SLC30A6: variants seen among roughly 807,000 people sequenced by gnomAD.
SLC30A6 encodes zinc transporter 6.
SLC30A6 carries 55 observed loss-of-function variants against 63.0 expected under a neutral mutation model. The observed-to-expected ratio is 0.87, with a 90% CI of 0.70 to 1.09. SLC30A6 has a LOEUF of 1.09. Among genes scored for constraint, SLC30A6 ranks in the 50% least tolerant of loss-of-function variants. The pLI is 0.00. For synonymous variants in SLC30A6, 224 were observed against 186.1 expected, an observed-to-expected ratio of 1.20 and a Z score of -1.66; for missense variants, 587 against 549.2, an observed-to-expected ratio of 1.07 and a Z score of -0.69.
At chr2:32,174,918 G>T (rs1681594732) in intron 3 of SLC30A6, among the ~76,000 whole-genome samples, 1 of 152,118 alleles carries the variant, frequency 6.6e-6, no homozygotes, top group Non-Finnish European at 1.5e-5. Context: ...AGATTTTGAG[G>T]TTTGTTGGCT....
intron 13 of SLC30A6, among the ~76,000 whole-genome samples, chr2:32,217,373 G>T (rs889785118): frequency 6.6e-6 from 1 of 152,108 alleles, no homozygotes; most frequent in Non-Finnish European, 1.5e-5. Flanking sequence ...AGATCAGATG[G>T]CTGTAGGTAT....
intron 4 of SLC30A6, among the ~76,000 whole-genome samples, chr2:32,176,809 G>A (rs563907153): frequency 6.7e-6 from 1 of 149,180 alleles, no homozygotes; most frequent in African/African-American, 2.5e-5. Flanking sequence ...ATCTTACTCT[G>A]TCACCCAGGC....
intron 1 of SLC30A6, among the ~76,000 whole-genome samples, chr2:32,169,350 A>G (rs1002688082): frequency 2.6e-5 from 4 of 151,736 alleles, no homozygotes; most frequent in Non-Finnish European, 5.9e-5. Flanking sequence ...TTTCTTTTCA[A>G]TTTTTTTGTA....
chr2:32,220,113 G>T lies in SLC30A6; in HGVS notation c.886-100G>T, dbSNP rs148477590. On this transcript the variant is annotated intron_variant, in intron 13 of 13. Transcript: ENST00000282587. Reference sequence around the variant, plus strand: ...TTAAGCTTTTTCTTTCAAAGAAAATGCCAGGAACTTACCAAATCATAAATA... The same window carrying T: ...TTAAGCTTTTTCTTTCAAAGAAAATTCCAGGAACTTACCAAATCATAAATA... The T allele has an allele frequency of 1.5e-3, 2,024 of 1,345,574 alleles. 25 individuals carry two copies. In the East Asian group the frequency reaches 0.023, roughly 15 times the overall value. The allele number at this position is 1,345,574 out of a possible 1,614,324, so 83.4% of individuals were successfully genotyped here.
chr2:32,193,066 G>A, intron 7 of SLC30A6, 113 bp downstream of exon 7: 1 of 644,638 alleles, frequency 1.6e-6, no homozygotes, highest in Non-Finnish European at 2.5e-6. Context: ...TAACGTTTTT[G>A]CTGGTATTTC....
chr2:32,184,429 G>A, intron 5 of SLC30A6, 91 bp downstream of exon 5: 2 of 657,836 alleles, frequency 3.0e-6, no homozygotes, highest in East Asian at 3.5e-5. Context: ...AGTATTTCTG[G>A]AAAATAAATG....
At position 32,212,583 on chromosome 2, in the gene SLC30A6, C is replaced by CTTTTTTTTTT. The variant is rs1193348947; in HGVS notation, c.885+3041_885+3050dup. Among the ~76,000 whole-genome samples, 10 of 83,024 alleles carry CTTTTTTTTTT rather than the reference C, an allele frequency of 1.2e-4. 1 individual carries two copies. The highest frequency in any genetic ancestry group is 2.5e-4 in the Admixed American group (2 of 8,088). The allele number at this position is 83,024 out of a possible 152,430, so 54.5% of individuals were successfully genotyped here. A position where few individuals can be genotyped will look rare whatever the true frequency, so the allele number is the denominator to read the frequency against. On this transcript the variant is annotated intron_variant, in intron 13 of 13. Transcript: ENST00000282587. Reference sequence around the variant, plus strand: ...CTTTCTTCCTCTCTGCCATTTTTACCTTTTTTTTTTTTTTTTTTTTTTTTT... The same window carrying CTTTTTTTTTT: ...CTTTCTTCCTCTCTGCCATTTTTACCTTTTTTTTTTTTTTTTTTTTTTTTTTTTTTTTTTT...
intron 13 of SLC30A6, among the ~76,000 whole-genome samples, chr2:32,211,451 T>TAA (rs1040151103): frequency 2.6e-5 from 4 of 152,224 alleles, no homozygotes; most frequent in African/African-American, 9.6e-5. Context: ...TCTGAGACAA[T>TAA]GCCTAATGAT....
intron 10 of SLC30A6, 100 bp from the exon 11 acceptor site, chr2:32,204,490 C>A (rs1684568460): frequency 6.3e-6 from 4 of 638,698 alleles, no homozygotes; most frequent in African/African-American, 1.8e-5. Context: ...TGTCCTGTTG[C>A]TCAGTCCTGT....
intron 10 of SLC30A6, chr2:32,203,271 T>A: frequency 3.1e-6 from 3 of 963,326 alleles, no homozygotes. Flanking sequence ...TGTATATGTT[T>A]TTATCAACCA....
chr2:32,184,048 A>G (rs1271699859), intron 4 of SLC30A6, among the ~76,000 whole-genome samples: 1 of 152,112 alleles, frequency 6.6e-6, no homozygotes, highest in East Asian at 1.9e-4. Flanking sequence ...CTGTTCCTTC[A>G]CATGTTAAAA....
intron 13 of SLC30A6, among the ~76,000 whole-genome samples, chr2:32,216,882 C>T (rs984509922): frequency 6.6e-6 from 1 of 151,462 alleles, no homozygotes; most frequent in Non-Finnish European, 1.5e-5. Flanking sequence ...AAGATTCTTA[C>T]AGTTTTGAGG....
At chr2:32,193,453 G>C (rs1487603832) in intron 7 of SLC30A6, among the ~76,000 whole-genome samples, 1 of 151,930 alleles carries the variant, frequency 6.6e-6, no homozygotes, top group African/African-American at 2.4e-5. Context: ...TTGCAACTAT[G>C]TGATTTTCAT....
Position 32,220,724 on chromosome 2 carries a change from C to G in SLC30A6, c.*11C>G, listed in dbSNP as rs1686094861. ...CAACCAAGACCATGATAGACTCTAACTTATTTTTATAAGGAATATTGACTC... is the reference window on the plus strand; with the variant it reads ...CAACCAAGACCATGATAGACTCTAAGTTATTTTTATAAGGAATATTGACTC... On this transcript the variant is annotated 3_prime_UTR_variant, in exon 14 of 14. Coordinates refer to ENST00000282587, the MANE Select transcript of SLC30A6 (RefSeq NM_017964.5). 6.3e-7 allele frequency: 1 copy of G among 1,595,756 alleles called. No homozygotes were observed. Among genetic ancestry groups the G allele is most frequent in the African/African-American group, 1.3e-5 (1 of 74,168 alleles).
At position 32,192,357 on chromosome 2, in the gene SLC30A6, G is replaced by A. The variant is rs1251845236; in HGVS notation, c.306G>A (p.Leu102=). 2.5e-6 allele frequency: 4 copies of A among 1,613,944 alleles called. No homozygotes were observed. Among genetic ancestry groups the A allele is most frequent in the Non-Finnish European group, 3.4e-6 (4 of 1,179,926 alleles). Residue 102 remains leucine, a synonymous_variant, in exon 6 of 14, where the codon CTG becomes CTA. Transcript: ENST00000282587. ...TCAGGTTTGAAAGATTAGAAGTCCT[G>A]GCTGTATTTGCCTCCACAGTCTTGG... ...YSFGFERLEV[L]AVFASTVLAQ...
chr2:32,173,980 CAG>C, intron 2 of SLC30A6, 81 bp from the exon 3 acceptor site: 1 of 969,112 alleles, frequency 1.0e-6, no homozygotes, highest in African/African-American at 1.7e-5. Context: ...CTTTGAATAT[CAG>C]AGTATAAATT....
chr2:32,180,701 G>A (rs1440839129), intron 4 of SLC30A6, among the ~76,000 whole-genome samples: 1 of 152,146 alleles, frequency 6.6e-6, no homozygotes, highest in Non-Finnish European at 1.5e-5. Flanking sequence ...CCAAAGTGCT[G>A]GGATTACAGG....
At chr2:32,178,746 G>T (rs965295010) in intron 4 of SLC30A6, among the ~76,000 whole-genome samples, 18 of 152,190 alleles carry the variant, frequency 1.2e-4, no homozygotes, top group Non-Finnish European at 2.1e-4. Context: ...GGATTCTCAG[G>T]TCTGTCCCAT....
chr2:32,206,817 G>T lies in SLC30A6; in HGVS notation c.769-69G>T, dbSNP rs1684813775. 3.3e-6 allele frequency: 4 copies of T among 1,227,006 alleles called. No homozygotes were observed. In the South Asian group the frequency reaches 3.6e-5, roughly 11 times the overall value. The allele number at this position is 1,227,006 out of a possible 1,614,324, so 76.0% of individuals were successfully genotyped here. A position where few individuals can be genotyped will look rare whatever the true frequency, so the allele number is the denominator to read the frequency against. ...GGCTTAAAATCCTTTTGGGGAGGGGGTTCAGGACCATTGTTGGCAAACTTT... is the reference window on the plus strand; with the variant it reads ...GGCTTAAAATCCTTTTGGGGAGGGGTTTCAGGACCATTGTTGGCAAACTTT... On this transcript the variant is annotated intron_variant, in intron 11 of 13. Transcript: ENST00000282587.
Sources: gnomAD v4.1 joint callset for allele counts (sites outside exome capture counted in the v4.1 genomes callset) on GRCh38, gnomAD v4.1.1 for gene constraint, MANE v1.5 for transcripts, NCBI Gene and HGNC (gene_info 2026-07-23, HGNC 2026-07-21) for gene names.